The following LIAS variants were observed in gnomAD, a reference collection of about 807,000 sequenced individuals.
The protein encoded by LIAS is lipoic acid synthetase.
A neutral mutation model predicts 49.4 loss-of-function variants in LIAS; 36 were observed. That is an observed-to-expected ratio of 0.73 (90% CI 0.56 to 0.96). The LOEUF (loss-of-function observed/expected upper bound fraction) is 0.96. Ranked by LOEUF, LIAS falls within the 40% of genes least tolerant of loss-of-function variation. The probability of loss-of-function intolerance (pLI) is 0.00; values close to 1 mark genes in which losing one functional copy is unlikely to be tolerated. For missense variants in LIAS, 399 were observed against 456.3 expected (o/e 0.87, Z 1.14); for synonymous variants, 145 against 155.8 (o/e 0.93, Z 0.52).
At position 39,477,178 on chromosome 4, in the gene LIAS, G is replaced by A; in HGVS notation, c.*63G>A. The A allele has an allele frequency of 7.7e-7, 1 of 1,298,396 alleles. No homozygotes were observed. The highest frequency in any genetic ancestry group is 1.1e-6 in the Non-Finnish European group (1 of 915,248). 80.4% of individuals were successfully genotyped at this position (1,298,396 alleles called of 1,614,324 possible). On this transcript the variant is annotated 3_prime_UTR_variant, in exon 11 of 11. Coordinates refer to ENST00000640888, the MANE Select transcript of LIAS (RefSeq NM_006859.4). ...AAATTTGATTCCAGTTAATAACAGA[G>A]GTGGTGCCAGAATGCCTGGACTGCA... is the stretch of plus-strand genomic sequence containing the variant.
chr4:39,473,280 C>G, intron 10 of LIAS, 69 bp downstream of exon 10: 1 of 940,464 alleles, frequency 1.1e-6, no homozygotes, highest in Admixed American at 1.9e-5. Context: ...TACCACCAGT[C>G]ACTAAAACTC....
intron 7 of LIAS, chr4:39,469,549 T>G (rs535269718): frequency 9.9e-4 from 152 of 152,872 alleles, no homozygotes; most frequent in Non-Finnish European, 1.7e-3. Context: ...TCCTTTCCAG[T>G]GAAAATTCCA....
intron 9 of LIAS, among the ~76,000 whole-genome samples, chr4:39,472,493 C>T (rs1194483522): frequency 6.6e-6 from 1 of 152,168 alleles, no homozygotes; most frequent in Non-Finnish European, 1.5e-5. Flanking sequence ...CCATTCTCTT[C>T]ACAAATTTCA....
In LIAS at chr4:39,477,052, T is replaced by G; in HGVS notation, c.1067-11T>G. On this transcript the variant is annotated splice_polypyrimidine_tract_variant and intron_variant, in intron 10 of 10. Coordinates refer to ENST00000640888, the MANE Select transcript of LIAS (RefSeq NM_006859.4). ...AATTGATATTAATGTGTTTTCCTTT[T>G]TCCTAAATAGGTGAATTTTTCCTGA... 6.5e-7 allele frequency: 1 copy of G among 1,548,826 alleles called. No individual in the cohort carries two copies. The highest frequency in any genetic ancestry group is 8.8e-7 in the Non-Finnish European group (1 of 1,133,498).
rs1030882292 is a variant in LIAS at position 39,463,451 on chromosome 4, C to A, written c.313-74C>A. 5.5e-5 allele frequency: 79 copies of A among 1,424,816 alleles called. No individual in the cohort carries two copies. In the African/African-American group the frequency reaches 9.4e-4, roughly 17 times the overall value. 88.3% of individuals were successfully genotyped at this position (1,424,816 alleles called of 1,614,324 possible). On this transcript the variant is annotated intron_variant, in intron 3 of 10. Transcript: ENST00000640888. ...GTAAACAATGAGAAGTTTAAAATGT[C>A]TAATCACAGTCACCAACTGTTTAGT...
Position 39,477,239 on chromosome 4 carries a change from ATGTC to A in LIAS, c.*125_*128del. The A allele has an allele frequency of 1.4e-6, 1 of 721,642 alleles. No homozygotes were observed. The highest frequency in any genetic ancestry group is 2.3e-6 in the Non-Finnish European group (1 of 431,906). 44.7% of individuals were successfully genotyped at this position (721,642 alleles called of 1,614,324 possible). On this transcript the variant is annotated 3_prime_UTR_variant, in exon 11 of 11. Transcript: ENST00000640888. Reference sequence around the variant, plus strand: ...CCCACCTCTTTGCTTAAAAAAAAAAATGTCAATAGCCAGGCATAGTGGCTCACGC... The same window carrying A: ...CCCACCTCTTTGCTTAAAAAAAAAAAAATAGCCAGGCATAGTGGCTCACGC...
At chr4:39,467,716 C>T (rs899066763) in intron 7 of LIAS, 70 bp downstream of exon 7, 6 of 1,359,342 alleles carry the variant, frequency 4.4e-6, no homozygotes, top group Non-Finnish European at 4.8e-6. Flanking sequence ...CTTGCCTTTT[C>T]CAGGGCTGAA....
At chr4:39,464,678 G>A (rs547191964) in intron 4 of LIAS, among the ~76,000 whole-genome samples, 2 of 152,014 alleles carry the variant, frequency 1.3e-5, no homozygotes, top group Non-Finnish European at 2.9e-5. Context: ...TAGAGACAGG[G>A]TCTCACCGTG....
At chr4:39,465,380 T>C in intron 6 of LIAS, 38 bp downstream of exon 6, 1 of 1,570,098 alleles carries the variant, frequency 6.4e-7, no homozygotes, top group African/African-American at 1.4e-5. Flanking sequence ...AAGGACCTTT[T>C]TGGACCCATA....
chr4:39,471,400 C>T, intron 9 of LIAS, 94 bp downstream of exon 9: 1 of 884,304 alleles, frequency 1.1e-6, no homozygotes, highest in Non-Finnish European at 1.7e-6. Flanking sequence ...GTGGCACAAT[C>T]TCGGCTCACT....
At chr4:39,460,410 T>G (rs181099388) in intron 1 of LIAS, among the ~76,000 whole-genome samples, 4,282 of 151,916 alleles carry the variant, frequency 0.028, 111 homozygotes, top group Middle Eastern at 0.11. Flanking sequence ...GGCGGGCGCC[T>G]GTAGTCCCAG....
rs886043545 is a variant in LIAS, at chr4:39,462,278, A to G, written c.301A>G (p.Asn101Asp). The G allele has an allele frequency of 6.5e-7, 1 of 1,541,754 alleles. No individual in the cohort carries two copies. Among genetic ancestry groups the G allele is most frequent in the Admixed American group, 1.9e-5 (1 of 52,430 alleles). ...ACTGAAAAATACTTTGCGGAATTTA[A>G]ATCTCCATACAGTAAGTTGTCAAAG... Reference protein sequence around the residue: ...NKLKNTLRNLNLHTVCEEARC... With the variant: ...NKLKNTLRNLDLHTVCEEARC... The change falls in exon 3 of 11, where the codon AAT becomes GAT. Residue 101 changes from asparagine to aspartate, a missense_variant. Around this residue, in one of 3 missense-constraint regions of LIAS, gnomAD observed 159 missense variants for 147.6 expected, o/e 1.08. Transcript: ENST00000640888.
intron 9 of LIAS, 70 bp downstream of exon 9, chr4:39,471,376 T>TTATTTTTA: frequency 8.4e-7 from 1 of 1,192,706 alleles, no homozygotes; most frequent in South Asian, 1.3e-5. Context: ...TCTTGTCGCC[T>TTATTTTTA]GAGCTGGAGT....
Position 39,479,161 on chromosome 4 carries a change from G to GATCA in LIAS, c.*2047_*2050dup, listed in dbSNP as rs748446710. Reference sequence around the variant, plus strand: ...ACAGGCAGAGGTTGCAGTGAGCTGAGATCACATCACTGTACTCCAGCCTGG... The same window carrying GATCA: ...ACAGGCAGAGGTTGCAGTGAGCTGAGATCAATCACATCACTGTACTCCAGCCTGG... On this transcript the variant is annotated 3_prime_UTR_variant, in exon 11 of 11. Transcript: ENST00000640888. 3.9e-5 allele frequency: 6 copies of GATCA among 152,100 alleles called. No individual in the cohort carries two copies. Among genetic ancestry groups the GATCA allele is most frequent in the Non-Finnish European group, 8.8e-5 (6 of 68,052 alleles). The allele number at this position is 152,100 out of a possible 1,614,324, so 9.4% of individuals were successfully genotyped here. A position where few individuals can be genotyped will look rare whatever the true frequency, so the allele number is the denominator to read the frequency against.
At chr4:39,463,697 T>G in intron 4 of LIAS, 92 bp downstream of exon 4, 1 of 1,448,464 alleles carries the variant, frequency 6.9e-7, no homozygotes, top group Non-Finnish European at 9.2e-7. Flanking sequence ...TATGAATCTC[T>G]GGTCAGATTT....
In LIAS at chr4:39,459,145, C is replaced by T. The variant is rs143267758; in HGVS notation, c.28C>T (p.Arg10Cys). 21 of 1,613,532 alleles carry T rather than the reference C, an allele frequency of 1.3e-5. No individual in the cohort carries two copies. Among genetic ancestry groups the T allele is most frequent in the African/African-American group, 2.7e-5 (2 of 74,938 alleles). The change falls in exon 1 of 11, where the codon CGC (arginine) becomes TGC (cysteine). Residue 10 changes from arginine (R) to cysteine (C), a missense_variant. Coordinates refer to ENST00000640888, the MANE Select transcript of LIAS (RefSeq NM_006859.4). The stretch of plus-strand genomic sequence containing the variant: ...GTCTCTACGCTGCGGGGATGCAGCC[C>T]GCACCCTGGGGCCCCGGGTGAGCGG... MSLRCGDAA[R>C]TLGPRVFGRY...
At chr4:39,474,703 C>G (rs1745128112) in intron 10 of LIAS, among the ~76,000 whole-genome samples, 1 of 151,892 alleles carries the variant, frequency 6.6e-6, no homozygotes, top group Non-Finnish European at 1.5e-5. Flanking sequence ...TCACGGCATT[C>G]TCCTGCCTCA....
Position 39,460,872 on chromosome 4 carries a change from C to T in LIAS, c.128C>T (p.Pro43Leu), listed in dbSNP as rs1301531477. 5.6e-6 allele frequency: 9 copies of T among 1,613,426 alleles called. No individual in the cohort carries two copies. In the South Asian group the frequency reaches 9.9e-5, roughly 18 times the overall value. ...AAAAAGGAACTCCTACAGAATGGAC[C>T]AGACCTTCAAGATTTTGTATCTGGT... ...DKKKELLQNG[P>L]DLQDFVSGDL... Residue 43 changes from proline to leucine, a missense_variant, in exon 2 of 11, where the codon CCA becomes CTA. Coordinates refer to ENST00000640888, the MANE Select transcript of LIAS (RefSeq NM_006859.4).
Position 39,460,904 on chromosome 4 carries a change from G to A in LIAS, c.160G>A (p.Ala54Thr). ...DLQDFVSGDLADRSTWDEYKG... is the reference protein window; with the variant it reads ...DLQDFVSGDLTDRSTWDEYKG... The stretch of plus-strand genomic sequence containing the variant: ...TCAAGATTTTGTATCTGGTGATCTT[G>A]CAGACAGGAGCACCTGGGATGAATA... The change falls in exon 2 of 11, where the codon GCA (alanine) becomes ACA (threonine). Residue 54 changes from alanine (A) to threonine (T), a missense_variant. Ala to Thr is a moderately conservative substitution (Grantham distance 58). This residue lies in a region of LIAS where 159 missense variants were observed against 147.6 expected (regional missense o/e 1.08). Transcript: ENST00000640888. 1 of 1,612,948 alleles carries A rather than the reference G, an allele frequency of 6.2e-7. No homozygotes were observed.
Sources: gnomAD v4.1 joint callset for allele counts (sites outside exome capture counted in the v4.1 genomes callset) on GRCh38, gnomAD v4.1.1 for gene constraint, gnomAD v4.1.1 regional missense constraint, MANE v1.5 for transcripts, NCBI Gene and HGNC (gene_info 2026-07-23, HGNC 2026-07-21) for gene names.